The following NLRP11 variants were observed in gnomAD, a reference collection of about 807,000 sequenced individuals.
NLRP11 encodes the protein NLR family pyrin domain containing 11.
In NLRP11, 53 loss-of-function variants were observed where a neutral mutation model predicts 79.3. That is an observed-to-expected ratio of 0.67 (90% CI 0.54 to 0.84). The LOEUF is 0.84. Among genes scored for constraint, NLRP11 ranks in the 40% least tolerant of loss-of-function variants. NLRP11 has a pLI of 0.00. For missense variants in NLRP11, 1,264 were observed against 1,255.0 expected, an observed-to-expected ratio of 1.01 and a Z score of -0.11; for synonymous variants, 518 against 462.6, an observed-to-expected ratio of 1.12 and a Z score of -1.54.
intron 5 of NLRP11, among the ~76,000 whole-genome samples, chr19:55,800,181 C>T (rs1184662047): frequency 6.6e-6 from 1 of 152,118 alleles, no homozygotes; most frequent in African/African-American, 2.4e-5. Context: ...GAGATGAAGT[C>T]TAGCAAGTGG....
At chr19:55,818,053 T>C in exon 2 of NLRP11, 1 of 1,614,188 alleles carries the variant, frequency 6.2e-7, no homozygotes, top group Admixed American at 1.7e-5. Context: ...CAGTGGAAAC[T>C]GTGGCAGTTT....
rs770858982 is a variant in NLRP11, at chr19:55,818,148, A to C, written c.27T>G (p.Phe9Leu). ...GATTCTCTAGATACCACAGCAGGTCAAAGTCAGTAGAATCCGATTCTGCCA... is the reference window on the plus strand; with the variant it reads ...GATTCTCTAGATACCACAGCAGGTCCAAGTCAGTAGAATCCGATTCTGCCA... The change falls in exon 2 of 10, where the codon TTT (phenylalanine) becomes TTG (leucine). Residue 9 changes from phenylalanine to leucine, a missense_variant. Phe to Leu is a conservative substitution (Grantham distance 22). Coordinates refer to ENST00000589093, the Ensembl canonical transcript of NLRP11. The C allele has an allele frequency of 6.2e-6, 10 of 1,613,790 alleles. No individual in the cohort carries two copies. In the Middle Eastern group the frequency reaches 4.9e-4, roughly 80 times the overall value.
At chr19:55,830,395 G>A (rs1459842476) in intron 1 of NLRP11, among the ~76,000 whole-genome samples, 1 of 152,118 alleles carries the variant, frequency 6.6e-6, no homozygotes, top group African/African-American at 2.4e-5. Context: ...GACTCAAACA[G>A]TCCATATTTC....
intron 4 of NLRP11, among the ~76,000 whole-genome samples, chr19:55,805,053 C>T (rs775490115): frequency 1.9e-4 from 29 of 151,996 alleles, no homozygotes; most frequent in East Asian, 7.7e-4. Context: ...CAGAGCAAGA[C>T]GCTGACTCAA....
intron 1 of NLRP11, among the ~76,000 whole-genome samples, chr19:55,824,353 A>T (rs964071667): frequency 2.7e-5 from 4 of 148,912 alleles, no homozygotes; most frequent in African/African-American, 1.0e-4. Context: ...AAACTGCATC[A>T]ACTAATGAGC....
intron 9 of NLRP11, among the ~76,000 whole-genome samples, chr19:55,786,126 C>T (rs1400802446): frequency 2.6e-5 from 4 of 152,216 alleles, no homozygotes; most frequent in African/African-American, 9.7e-5. Context: ...AACGCCACTA[C>T]GTGCTCAATG....
upstream of NLRP11, chr19:55,832,723 G>A (rs1982912193): frequency 1.3e-5 from 2 of 152,184 alleles, no homozygotes; most frequent in Admixed American, 6.5e-5. Flanking sequence ...ATGTATCTTT[G>A]TAAGTTAGGA....
intron 4 of NLRP11, among the ~76,000 whole-genome samples, chr19:55,803,812 A>G (rs1428445326): frequency 6.6e-6 from 1 of 152,046 alleles, no homozygotes; most frequent in South Asian, 2.1e-4. Flanking sequence ...CTGGGCGTGG[A>G]GGCTCATGCC....
chr19:55,793,304 C>T (rs1978462969), intron 6 of NLRP11, among the ~76,000 whole-genome samples: 1 of 151,974 alleles, frequency 6.6e-6, no homozygotes, highest in Non-Finnish European at 1.5e-5. Context: ...CACGGTGGTT[C>T]ACACCTGTAA....
At chr19:55,793,555 C>CAAAAA (rs1385442204) in intron 6 of NLRP11, among the ~76,000 whole-genome samples, 34 of 30,696 alleles carry the variant, frequency 1.1e-3, no homozygotes, top group Non-Finnish European at 1.5e-3. Context: ...GTGACTGTCT[C>CAAAAA]CAAAAAAAAA....
intron 2 of NLRP11, among the ~76,000 whole-genome samples, chr19:55,813,080 C>A (rs1980763340): frequency 6.6e-6 from 1 of 152,156 alleles, no homozygotes; most frequent in Admixed American, 6.5e-5. Context: ...GTAATCACAG[C>A]ACTTTGGGAG....
Position 55,821,474 on chromosome 19 carries a change from C to T in NLRP11, c.-62-3238G>A, listed in dbSNP as rs966814117. On this transcript the variant is annotated intron_variant, in intron 1 of 9. Coordinates refer to ENST00000589093, the Ensembl canonical transcript of NLRP11. ...AGTCACAGCTGTGAACAGGACTGTGCCCAGTCCCAAGTCATCCCACCTAAC... is the reference window on the plus strand; with the variant it reads ...AGTCACAGCTGTGAACAGGACTGTGTCCAGTCCCAAGTCATCCCACCTAAC... 3.9e-5 allele frequency among the ~76,000 whole-genome samples: 6 copies of T among 152,256 alleles called. No individual in the cohort carries two copies. The South Asian group carries it at 1.0e-3, about 26-fold the overall frequency.
At position 55,807,837 on chromosome 19, in the gene NLRP11, T is replaced by C. The variant is rs78156461; in HGVS notation, c.2003+16A>G. On this transcript the variant is annotated intron_variant, in intron 4 of 9. Coordinates refer to ENST00000589093, the Ensembl canonical transcript of NLRP11. ...CCTAGGGGAACCTCTAAGGCAGAGGTTGATATAGTACTTACTTGAGTGTGC... is the reference window on the plus strand; with the variant it reads ...CCTAGGGGAACCTCTAAGGCAGAGGCTGATATAGTACTTACTTGAGTGTGC... 7.6e-6 allele frequency: 12 copies of C among 1,569,594 alleles called. No individual in the cohort carries two copies. The African/African-American group carries it at 1.4e-4, about 18-fold the overall frequency.
chr19:55,821,228 CACACACACACACACACACACA>C (rs1415753294), intron 1 of NLRP11, among the ~76,000 whole-genome samples: 1 of 105,586 alleles, frequency 9.5e-6, no homozygotes, highest in Non-Finnish European at 1.7e-5. Flanking sequence ...CACACACACA[CACACACACACACACACACACA>C]CCCCAAGCAC....
At chr19:55,822,892 G>C (rs1371361190) in intron 1 of NLRP11, among the ~76,000 whole-genome samples, 2 of 152,214 alleles carry the variant, frequency 1.3e-5, no homozygotes, top group African/African-American at 2.4e-5. Flanking sequence ...CAGGAAGCTG[G>C]AACTGGGGGG....
chr19:55,786,877 G>A (rs1989912247), intron 9 of NLRP11, among the ~76,000 whole-genome samples: 1 of 152,160 alleles, frequency 6.6e-6, no homozygotes, highest in Admixed American at 6.5e-5. Context: ...TGGAAAATTT[G>A]TAATGTTTAT....
At chr19:55,791,625 T>C (rs1990237806) in intron 7 of NLRP11, among the ~76,000 whole-genome samples, 1 of 152,202 alleles carries the variant, frequency 6.6e-6, no homozygotes, top group African/African-American at 2.4e-5. Flanking sequence ...ATAGAACATT[T>C]TCAAGAGAGT....
chr19:55,788,851 A>C (rs746384405), exon 9 of NLRP11: 71 of 1,613,558 alleles, frequency 4.4e-5, no homozygotes, highest in Admixed American at 8.3e-5. Flanking sequence ...AGCTCTCAAG[A>C]AGTTTTGCAA....
intron 3 of NLRP11, 74 bp downstream of exon 3, chr19:55,808,695 C>T (rs568017074): frequency 9.3e-6 from 13 of 1,393,180 alleles, no homozygotes; most frequent in Middle Eastern, 2.5e-4. Flanking sequence ...TTGTCTTGTT[C>T]TGGTCAACAA....
Sources: gnomAD v4.1 joint callset for allele counts (sites outside exome capture counted in the v4.1 genomes callset) on GRCh38, gnomAD v4.1.1 for gene constraint, MANE v1.5 for transcripts, NCBI Gene and HGNC (gene_info 2026-07-23, HGNC 2026-07-21) for gene names.